The following GRM7 variants were observed in gnomAD, a reference collection of about 807,000 sequenced individuals.
The protein encoded by GRM7 is glutamate metabotropic receptor 7, also known as metabotropic glutamate receptor 7.
GRM7 carries 35 observed loss-of-function variants against 84.5 expected under a neutral mutation model. The observed-to-expected ratio is 0.41, with a 90% CI of 0.32 to 0.55. GRM7 has a LOEUF of 0.55. Among genes scored for constraint, GRM7 ranks in the 20% least tolerant of loss-of-function variants. The probability of loss-of-function intolerance (pLI) is 0.19; values close to 1 mark genes in which losing one functional copy is unlikely to be tolerated. For missense variants in GRM7, 1,003 were observed against 1,194.6 expected (o/e 0.84, Z 2.36); for synonymous variants, 487 against 455.1 (o/e 1.07, Z -0.89).
intron 7 of GRM7, among the ~76,000 whole-genome samples, chr3:7,570,207 C>T (rs1694577465): frequency 6.6e-6 from 1 of 152,140 alleles, no homozygotes; most frequent in African/African-American, 2.4e-5. Context: ...TGGCCCCTCC[C>T]AAATCTCATG....
chr3:7,306,462 T>A, intron 3 of GRM7, 36 bp from the exon 4 acceptor site: 1 of 1,588,686 alleles, frequency 6.3e-7, no homozygotes, highest in South Asian at 1.1e-5. Flanking sequence ...TGACGTTCTT[T>A]ATCATTAATA....
At chr3:7,070,885 C>T (rs1396207355) in intron 1 of GRM7, among the ~76,000 whole-genome samples, 3 of 152,256 alleles carry the variant, frequency 2.0e-5, no homozygotes, top group South Asian at 2.1e-4. Flanking sequence ...ACTCTATCAG[C>T]TGGCTCATGG....
intron 1 of GRM7, among the ~76,000 whole-genome samples, chr3:7,103,850 C>CTT (rs1559443755): frequency 1.3e-5 from 1 of 79,980 alleles, no homozygotes; most frequent in African/African-American, 8.2e-5. Flanking sequence ...CCCTCTCTCT[C>CTT]TCTCTCTTTC....
intron 2 of GRM7, among the ~76,000 whole-genome samples, chr3:7,266,565 A>C (rs2124969275): frequency 6.6e-6 from 1 of 152,252 alleles, no homozygotes; most frequent in Admixed American, 6.5e-5. Flanking sequence ...GTTATCACTC[A>C]CCCTTGAAAA....
intron 1 of GRM7, among the ~76,000 whole-genome samples, chr3:6,892,380 A>T (rs1288541576): frequency 6.6e-6 from 1 of 152,162 alleles, no homozygotes; most frequent in Admixed American, 6.6e-5. Context: ...GCATGATTCT[A>T]TAATTTTGAT....
At chr3:7,327,679 G>T (rs1335037334) in intron 4 of GRM7, among the ~76,000 whole-genome samples, 2 of 152,108 alleles carry the variant, frequency 1.3e-5, no homozygotes, top group African/African-American at 4.8e-5. Flanking sequence ...ACCAACTTTT[G>T]CTCTTTAATC....
chr3:7,356,414 G>A (rs930621775), intron 4 of GRM7, among the ~76,000 whole-genome samples: 4 of 151,546 alleles, frequency 2.6e-5, no homozygotes, highest in Admixed American at 6.6e-5. Context: ...CGATTCTCCT[G>A]CCTCAGCCTC....
chr3:7,417,371 T>A (rs1696208605), intron 5 of GRM7, among the ~76,000 whole-genome samples: 1 of 152,168 alleles, frequency 6.6e-6, no homozygotes, highest in Non-Finnish European at 1.5e-5. Flanking sequence ...CATATTTTGT[T>A]TGTTTTCCTT....
intron 9 of GRM7, among the ~76,000 whole-genome samples, chr3:7,682,881 C>A (rs900440249): frequency 6.6e-6 from 1 of 152,186 alleles, no homozygotes; most frequent in African/African-American, 2.4e-5. Context: ...GTCCCACTTA[C>A]TCCTCACAGT....
intron 1 of GRM7, among the ~76,000 whole-genome samples, chr3:6,991,885 C>T (rs1694649144): frequency 6.6e-6 from 1 of 151,960 alleles, no homozygotes. Flanking sequence ...GAACATATTC[C>T]TCTTTTAACC....
chr3:7,146,507 A>G lies in GRM7; in HGVS notation c.575A>G (p.Tyr192Cys), dbSNP rs745793143. The G allele has an allele frequency of 5.0e-6, 8 of 1,613,974 alleles. No homozygotes were observed. Among genetic ancestry groups the G allele is most frequent in the South Asian group, 1.1e-5 (1 of 91,056 alleles). ...CCCGAGCTAAGTGATGACCGGCGCT[A>G]TGACTTCTTCTCTCGCGTGGTGCCA... Reference protein sequence around the residue: ...TAPELSDDRRYDFFSRVVPPD... With the variant: ...TAPELSDDRRCDFFSRVVPPD... The change falls in exon 2 of 10, where the codon TAT becomes TGT. Residue 192 changes from tyrosine to cysteine, a missense_variant. Around this residue, in one of 2 missense-constraint regions of GRM7, gnomAD observed 910 missense variants for 1,126.0 expected, o/e 0.81. Coordinates refer to ENST00000357716, the MANE Select transcript of GRM7 (RefSeq NM_000844.4).
chr3:6,908,534 TG>T (rs1696659677), intron 1 of GRM7, among the ~76,000 whole-genome samples: 1 of 152,150 alleles, frequency 6.6e-6, no homozygotes, highest in African/African-American at 2.4e-5. Context: ...ATTGTGGTGA[TG>T]CCAACACCAG....
At chr3:7,248,940 TGTTA>T (rs1308044688) in intron 2 of GRM7, among the ~76,000 whole-genome samples, 1 of 152,136 alleles carries the variant, frequency 6.6e-6, no homozygotes, top group Admixed American at 6.6e-5. Context: ...CAGAATAGTT[TGTTA>T]AAGAGTAAAG....
At chr3:6,971,187 T>A (rs1276872820) in intron 1 of GRM7, among the ~76,000 whole-genome samples, 7 of 149,330 alleles carry the variant, frequency 4.7e-5, no homozygotes, top group South Asian at 2.1e-4. Flanking sequence ...AAAAAAAAAA[T>A]TAAAAATAAC....
intron 2 of GRM7, among the ~76,000 whole-genome samples, chr3:7,218,169 T>C (rs1358228294): frequency 6.6e-6 from 1 of 152,108 alleles, no homozygotes; most frequent in Non-Finnish European, 1.5e-5. Flanking sequence ...AGAAGTTCCA[T>C]TGTTGATTAA....
At chr3:6,989,690 AC>A (rs1456457015) in intron 1 of GRM7, among the ~76,000 whole-genome samples, 2 of 152,216 alleles carry the variant, frequency 1.3e-5, no homozygotes. Context: ...GAAAAATACA[AC>A]CTTTAGGTCC....
intron 1 of GRM7, among the ~76,000 whole-genome samples, chr3:6,939,716 T>C (rs1697821611): frequency 1.3e-5 from 2 of 152,182 alleles, no homozygotes; most frequent in South Asian, 2.1e-4. Flanking sequence ...ATCATTATCC[T>C]GGTATTTATT....
intron 9 of GRM7, among the ~76,000 whole-genome samples, chr3:7,686,879 C>T (rs1415265731): frequency 6.6e-6 from 1 of 152,058 alleles, no homozygotes; most frequent in Non-Finnish European, 1.5e-5. Flanking sequence ...ATTGTTTGTT[C>T]TAATTTATTT....
chr3:6,947,371 G>A (rs1042200520), intron 1 of GRM7, among the ~76,000 whole-genome samples: 19 of 152,020 alleles, frequency 1.2e-4, no homozygotes, highest in African/African-American at 3.9e-4. Context: ...ATTTTCATAC[G>A]TTGAACCAGC....
Sources: gnomAD v4.1 joint callset for allele counts (sites outside exome capture counted in the v4.1 genomes callset) on GRCh38, gnomAD v4.1.1 for gene constraint, gnomAD v4.1.1 regional missense constraint, MANE v1.5 for transcripts, NCBI Gene and HGNC (gene_info 2026-07-23, HGNC 2026-07-21) for gene names.